WAC: variants seen among roughly 807,000 people sequenced by gnomAD.
WAC encodes WW domain-containing adapter protein with coiled-coil.
In WAC, 11 loss-of-function variants were observed where a neutral mutation model predicts 79.6. The observed-to-expected ratio is 0.14, with a 90% CI of 0.09 to 0.23. WAC has a LOEUF of 0.23. Among genes scored for constraint, WAC ranks in the 10% least tolerant of loss-of-function variants. The probability of loss-of-function intolerance (pLI) is 1.00; values close to 1 mark genes in which losing one functional copy is unlikely to be tolerated. For synonymous variants in WAC, 304 were observed against 276.9 expected, an observed-to-expected ratio of 1.10 and a Z score of -0.97; for missense variants, 728 against 773.5, an observed-to-expected ratio of 0.94 and a Z score of 0.70.
At chr10:28,574,535 C>T (rs1476788614) in intron 3 of WAC, among the ~76,000 whole-genome samples, 1 of 152,204 alleles carries the variant, frequency 6.6e-6, no homozygotes, top group African/African-American at 2.4e-5. Flanking sequence ...CTCTGCCTCC[C>T]GGGTTCTGGC....
rs528425093 is a variant in WAC at position 28,613,028 on chromosome 10, A to G, written c.1437+1106A>G. Among the ~76,000 whole-genome samples, 21 of 152,216 alleles carry G rather than the reference A, an allele frequency of 1.4e-4. 1 individual carries two copies. Among genetic ancestry groups the G allele is most frequent in the Middle Eastern group, 3.4e-3 (1 of 294 alleles). ...CTGGGCGCGGTGGCTCACAGCTATA[A>G]TTACAGCACTTAGGAGGCCAAGGCA... On this transcript the variant is annotated intron_variant, in intron 10 of 13. Coordinates refer to ENST00000354911, the MANE Select transcript of WAC (RefSeq NM_016628.5).
chr10:28,602,726 T>C (rs1840703343), intron 7 of WAC, among the ~76,000 whole-genome samples: 1 of 152,232 alleles, frequency 6.6e-6, no homozygotes, highest in African/African-American at 2.4e-5. Context: ...TTATGCTCTT[T>C]ACAGTAGTTT....
At chr10:28,593,961 T>C (rs956243415) in intron 6 of WAC, among the ~76,000 whole-genome samples, 1 of 152,134 alleles carries the variant, frequency 6.6e-6, no homozygotes, top group Admixed American at 6.6e-5. Flanking sequence ...AAGGCTTTCC[T>C]GTTTTGTAGG....
At position 28,554,765 on chromosome 10, in the gene WAC, C is replaced by T. The variant is rs150315014; in HGVS notation, c.274+19008C>T. On this transcript the variant is annotated intron_variant, in intron 3 of 13. Coordinates refer to ENST00000354911, the MANE Select transcript of WAC (RefSeq NM_016628.5). ...CCAACTCCTATGTCTTTCTACTTTT[C>T]CACCCCTCCGCTTTGCTCTTTCATT... 1.1e-4 allele frequency among the ~76,000 whole-genome samples: 17 copies of T among 152,302 alleles called. No individual in the cohort carries two copies. In the East Asian group the frequency reaches 3.3e-3, roughly 29 times the overall value.
chr10:28,584,464 A>G (rs1372782937), intron 4 of WAC, among the ~76,000 whole-genome samples: 1 of 152,210 alleles, frequency 6.6e-6, no homozygotes, highest in African/African-American at 2.4e-5. Flanking sequence ...ATGCCAAGGA[A>G]TATTAATTAT....
rs762766326 is a variant in WAC, at chr10:28,535,670, G to A, written c.187G>A (p.Asp63Asn). The A allele has an allele frequency of 8.7e-6, 14 of 1,613,990 alleles. No homozygotes were observed. Among genetic ancestry groups the A allele is most frequent in the African/African-American group, 4.0e-5 (3 of 74,882 alleles). ...SPPNKMLRRS[D>N]SPENKYSDST... The stretch of plus-strand genomic sequence containing the variant: ...ACCAAATAAAATGTTGCGGAGATCT[G>A]ATAGTCCTGAAAACAAATACAGTGA... The change falls in exon 3 of 14, where the codon GAT becomes AAT. Residue 63 changes from aspartate to asparagine, a missense_variant. Physicochemically the swap from Asp to Asn is conservative, Grantham distance 23. Around this residue, in one of 3 missense-constraint regions of WAC, gnomAD observed 648 missense variants for 661.5 expected, o/e 0.98. Transcript: ENST00000354911.
At chr10:28,537,619 A>AT (rs914147888) in intron 3 of WAC, 73 of 152,316 alleles carry the variant, frequency 4.8e-4, no homozygotes, top group African/African-American at 1.7e-3. Flanking sequence ...TTGCTTATTC[A>AT]TTCAACAAAC....
intron 3 of WAC, among the ~76,000 whole-genome samples, chr10:28,544,025 G>A (rs1200225473): frequency 6.6e-6 from 1 of 152,176 alleles, no homozygotes; most frequent in Non-Finnish European, 1.5e-5. Context: ...TGGGATTACA[G>A]GTGCGCACTG....
chr10:28,561,114 A>C (rs569931125), intron 3 of WAC, among the ~76,000 whole-genome samples: 19 of 152,226 alleles, frequency 1.2e-4, no homozygotes, highest in Non-Finnish European at 2.2e-4. Context: ...AATAACTGAA[A>C]ATCTGCAACC....
At chr10:28,606,738 T>C (rs1840973410) in intron 7 of WAC, among the ~76,000 whole-genome samples, 1 of 152,224 alleles carries the variant, frequency 6.6e-6, no homozygotes, top group Non-Finnish European at 1.5e-5. Flanking sequence ...GCTGTTGTGA[T>C]AGTCTTTGAA....
intron 3 of WAC, among the ~76,000 whole-genome samples, chr10:28,572,209 T>A (rs1589175175): frequency 6.6e-6 from 1 of 151,272 alleles, no homozygotes; most frequent in Admixed American, 6.6e-5. Context: ...TGGTGGCAGG[T>A]GCATGTAATC....
chr10:28,547,425 C>G (rs937209359), intron 3 of WAC, among the ~76,000 whole-genome samples: 2 of 152,024 alleles, frequency 1.3e-5, no homozygotes, highest in African/African-American at 4.8e-5. Context: ...ATCCCAGCTA[C>G]CTGGGAGGCT....
At chr10:28,603,239 T>TA (rs111826075) in intron 7 of WAC, among the ~76,000 whole-genome samples, 10 of 152,318 alleles carry the variant, frequency 6.6e-5, no homozygotes, top group African/African-American at 1.9e-4. Flanking sequence ...GATGAGCTTT[T>TA]AAAAAAATTG....
chr10:28,569,037 G>A (rs1838803748), intron 3 of WAC, among the ~76,000 whole-genome samples: 1 of 152,096 alleles, frequency 6.6e-6, no homozygotes, highest in Non-Finnish European at 1.5e-5. Flanking sequence ...GGTGTAAGAG[G>A]CACATTTATT....
intron 3 of WAC, among the ~76,000 whole-genome samples, chr10:28,543,510 G>T (rs1837176763): frequency 6.6e-6 from 1 of 152,250 alleles, no homozygotes; most frequent in Non-Finnish European, 1.5e-5. Context: ...GTGAATGATG[G>T]TTATTGAATT....
intron 8 of WAC, among the ~76,000 whole-genome samples, chr10:28,610,005 C>G (rs1417728074): frequency 7.0e-6 from 1 of 143,614 alleles, no homozygotes. Context: ...AATCCCGGCT[C>G]ACTGCAACCT....
Position 28,583,405 on chromosome 10 carries a change from G to C in WAC, c.281G>C (p.Ser94Thr). 4 of 1,577,604 alleles carry C rather than the reference G, an allele frequency of 2.5e-6. No homozygotes were observed. Among genetic ancestry groups the C allele is most frequent in the Middle Eastern group, 1.7e-4 (1 of 5,900 alleles). ...TGTTCTTTATTTTTTTAAGGGACCA[G>C]TTACTCTCCACAAGAAAATTCACAC... is the stretch of plus-strand genomic sequence containing the variant. ...HRVRERDGGT[S>T]YSPQENSHNH... The change falls in exon 4 of 14, where the codon AGT becomes ACT. Residue 94 changes from serine to threonine, a missense_variant. Physicochemically the swap from Ser to Thr is moderately conservative, Grantham distance 58. This residue lies in a region of WAC where 648 missense variants were observed against 661.5 expected (regional missense o/e 0.98). Coordinates refer to ENST00000354911, the MANE Select transcript of WAC (RefSeq NM_016628.5).
At chr10:28,549,682 A>G (rs1436204349) in intron 3 of WAC, among the ~76,000 whole-genome samples, 3 of 152,154 alleles carry the variant, frequency 2.0e-5, no homozygotes, top group Non-Finnish European at 2.9e-5. Context: ...ATAGGTCTTA[A>G]TTATGTTGTA....
At chr10:28,539,689 G>A (rs1011941385) in intron 3 of WAC, among the ~76,000 whole-genome samples, 1 of 151,926 alleles carries the variant, frequency 6.6e-6, no homozygotes, top group African/African-American at 2.4e-5. Context: ...GTCCCAAGTA[G>A]CTGGGATTAC....
Sources: gnomAD v4.1 joint callset for allele counts (sites outside exome capture counted in the v4.1 genomes callset) on GRCh38, gnomAD v4.1.1 for gene constraint, gnomAD v4.1.1 regional missense constraint, MANE v1.5 for transcripts, NCBI Gene and HGNC (gene_info 2026-07-23, HGNC 2026-07-21) for gene names.